Variants in RAB6B observed in about 807,000 individuals in gnomAD.
RAB6B encodes ras-related protein Rab-6B.
A neutral mutation model predicts 31.2 loss-of-function variants in RAB6B; 7 were observed. The ratio of observed to expected loss-of-function variants is 0.22; its 90% confidence interval spans 0.13 to 0.42. RAB6B has a LOEUF of 0.42. Among genes scored for constraint, RAB6B ranks in the 10% least tolerant of loss-of-function variants. The probability of loss-of-function intolerance (pLI) is 1.00; values close to 1 mark genes in which losing one functional copy is unlikely to be tolerated. For missense variants in RAB6B, 149 were observed against 280.6 expected (o/e 0.53, Z 3.35); for synonymous variants, 105 against 104.9 (o/e 1.00, Z -0.01).
chr3:133,859,691 C>T (rs1476964090), intron 2 of RAB6B, among the ~76,000 whole-genome samples: 1 of 152,218 alleles, frequency 6.6e-6, no homozygotes, highest in Non-Finnish European at 1.5e-5. Flanking sequence ...TAAAGCATAG[C>T]CTTCCATGCA....
intron 1 of RAB6B, among the ~76,000 whole-genome samples, chr3:133,867,444 A>T (rs896400087): frequency 2.0e-5 from 3 of 152,208 alleles, no homozygotes; most frequent in Middle Eastern, 3.2e-3. Flanking sequence ...TCTGGGTGGC[A>T]CTAATGTCAT....
intron 7 of RAB6B, among the ~76,000 whole-genome samples, chr3:133,834,281 T>C (rs1017255778): frequency 6.6e-6 from 1 of 152,166 alleles, no homozygotes; most frequent in Non-Finnish European, 1.5e-5. Flanking sequence ...ATGCTCGCTG[T>C]AAAGAAGGGC....
intron 2 of RAB6B, 107 bp from the exon 3 acceptor site, chr3:133,841,770 G>T: frequency 8.9e-7 from 1 of 1,120,180 alleles, no homozygotes. Context: ...GGACGCTCAT[G>T]TCAGGTCTAA....
rs777891226 is a variant in RAB6B, at chr3:133,828,839, C to G, written c.576G>C (p.Lys192Asn). The change falls in exon 8 of 8, where the codon AAG becomes AAC. Residue 192 changes from lysine to asparagine, a missense_variant. This residue lies in a region of RAB6B where 74 missense variants were observed against 100.5 expected (regional missense o/e 0.74). Transcript: ENST00000285208. Reference protein sequence around the residue: ...EKSKEGMIDIKLDKPQEPPAS... With the variant: ...EKSKEGMIDINLDKPQEPPAS... Reference sequence around the variant, plus strand: ...CCGGGGGCTCCTGGGGTTTGTCCAGCTTGATGTCGATCACTGCAGGGGGAC... The same window carrying G: ...CCGGGGGCTCCTGGGGTTTGTCCAGGTTGATGTCGATCACTGCAGGGGGAC... The G allele has an allele frequency of 1.9e-5, 31 of 1,612,812 alleles. No homozygotes were observed. In the South Asian group the frequency reaches 3.4e-4, roughly 18 times the overall value.
intron 2 of RAB6B, among the ~76,000 whole-genome samples, chr3:133,843,420 G>A (rs902196995): frequency 1.3e-5 from 2 of 152,144 alleles, no homozygotes; most frequent in Admixed American, 1.3e-4. Context: ...TCCTTCACAG[G>A]TGTATGTTAG....
chr3:133,868,086 TTCTGCCCAGCC>T (rs1936262151), intron 1 of RAB6B, among the ~76,000 whole-genome samples: 1 of 152,030 alleles, frequency 6.6e-6, no homozygotes, highest in African/African-American at 2.4e-5. Flanking sequence ...TCTTGTCCAT[TTCTGCCCAGCC>T]TCTGCCCATG....
At chr3:133,857,830 C>G (rs868618002) in intron 2 of RAB6B, among the ~76,000 whole-genome samples, 2 of 152,106 alleles carry the variant, frequency 1.3e-5, no homozygotes, top group East Asian at 3.9e-4. Context: ...AGGCCTCTTC[C>G]TCTTCTCTAT....
chr3:133,832,612 T>C (rs2692667), intron 7 of RAB6B, among the ~76,000 whole-genome samples: 123,844 of 152,226 alleles, frequency 0.81, 51,303 homozygotes, highest in African/African-American at 0.95. Context: ...CAACACCCCA[T>C]CCCGAAAGAA....
Position 133,839,480 on chromosome 3 carries a change from C to T in RAB6B, c.401+26G>A, listed in dbSNP as rs200086341. 1.4e-4 allele frequency: 217 copies of T among 1,576,630 alleles called. 1 individual carries two copies. The African/African-American group carries it at 2.7e-3, about 20-fold the overall frequency. ...TTACAGAGGAGTGGAGGGTGGCACC[C>T]TGCACCTGTGTGCCCTTGCACCTAC... On this transcript the variant is annotated intron_variant, in intron 5 of 7. Coordinates refer to ENST00000285208, the MANE Select transcript of RAB6B (RefSeq NM_016577.4).
At chr3:133,877,285 C>T (rs999660886) in intron 1 of RAB6B, among the ~76,000 whole-genome samples, 5 of 152,208 alleles carry the variant, frequency 3.3e-5, no homozygotes, top group Admixed American at 2.6e-4. Context: ...CTCAAGCCTT[C>T]GGCTGAGCAC....
At chr3:133,856,242 CG>C (rs1380812136) in intron 2 of RAB6B, among the ~76,000 whole-genome samples, 1 of 151,840 alleles carries the variant, frequency 6.6e-6, no homozygotes, top group Non-Finnish European at 1.5e-5. Flanking sequence ...AAGAAGTGGA[CG>C]GGAGGACATA....
intron 2 of RAB6B, among the ~76,000 whole-genome samples, chr3:133,852,865 C>A (rs1484376057): frequency 6.6e-6 from 1 of 152,126 alleles, no homozygotes; most frequent in Non-Finnish European, 1.5e-5. Flanking sequence ...AAAATGCAAG[C>A]CTGGGAGCAT....
chr3:133,858,821 C>T (rs1936118446), intron 2 of RAB6B, among the ~76,000 whole-genome samples: 1 of 152,198 alleles, frequency 6.6e-6, no homozygotes, highest in African/African-American at 2.4e-5. Flanking sequence ...GGCCCCACTA[C>T]TGCCCTCCAC....
At position 133,895,592 on chromosome 3, in the gene RAB6B, G is replaced by T; in HGVS notation, c.-126C>A. 1.1e-6 allele frequency: 1 copy of T among 921,528 alleles called. No homozygotes were observed. Among genetic ancestry groups the T allele is most frequent in the African/African-American group, 1.6e-5 (1 of 60,792 alleles). 57.1% of individuals were successfully genotyped at this position (921,528 alleles called of 1,614,324 possible). On this transcript the variant is annotated 5_prime_UTR_variant, in exon 1 of 8. Transcript: ENST00000285208. ...CCGGAGGGGGAAGGGCTGGCTGCGC[G>T]CGTCCCTGACTCCCCAGCTGCGTCC...
At chr3:133,865,582 A>T (rs544354790) in intron 1 of RAB6B, among the ~76,000 whole-genome samples, 2 of 152,310 alleles carry the variant, frequency 1.3e-5, no homozygotes, top group Non-Finnish European at 2.9e-5. Flanking sequence ...CTCTGCCATG[A>T]CCCTGGGAGG....
intron 7 of RAB6B, among the ~76,000 whole-genome samples, chr3:133,832,289 G>C (rs1184074133): frequency 6.6e-6 from 1 of 152,108 alleles, no homozygotes; most frequent in Non-Finnish European, 1.5e-5. Context: ...ACTTTGTTGA[G>C]AGCAGACCAG....
rs1052690305 is a variant in RAB6B, at chr3:133,828,714, C to A, written c.*74G>T. The A allele has an allele frequency of 8.1e-6, 12 of 1,478,754 alleles. No individual in the cohort carries two copies. Among genetic ancestry groups the A allele is most frequent in the Admixed American group, 3.3e-5 (2 of 59,794 alleles). The allele number at this position is 1,478,754 out of a possible 1,614,324, so 91.6% of individuals were successfully genotyped here. A position where few individuals can be genotyped will look rare whatever the true frequency, so the allele number is the denominator to read the frequency against. On this transcript the variant is annotated 3_prime_UTR_variant, in exon 8 of 8. Coordinates refer to ENST00000285208, the MANE Select transcript of RAB6B (RefSeq NM_016577.4). ...ATCTTGATAACTCGGTTCCCTCCCCCCTTAGGAAGCTAGCCAATAGGAAGC... is the reference window on the plus strand; with the variant it reads ...ATCTTGATAACTCGGTTCCCTCCCCACTTAGGAAGCTAGCCAATAGGAAGC...
chr3:133,843,752 T>G (rs1383458524), intron 2 of RAB6B, among the ~76,000 whole-genome samples: 3 of 152,176 alleles, frequency 2.0e-5, no homozygotes, highest in Non-Finnish European at 2.9e-5. Flanking sequence ...GAACGTGATG[T>G]AGGCATCTTT....
intron 5 of RAB6B, among the ~76,000 whole-genome samples, 188 bp from the exon 6 acceptor site, chr3:133,838,447 G>A (rs865927597): frequency 1.6e-4 from 25 of 152,146 alleles, no homozygotes; most frequent in African/African-American, 6.0e-4. Context: ...GCAGGCACCA[G>A]GGAACAGTAG....
Sources: gnomAD v4.1 joint callset for allele counts (sites outside exome capture counted in the v4.1 genomes callset) on GRCh38, gnomAD v4.1.1 for gene constraint, gnomAD v4.1.1 regional missense constraint, MANE v1.5 for transcripts, NCBI Gene and HGNC (gene_info 2026-07-23, HGNC 2026-07-21) for gene names.